BACH2: variants seen among roughly 807,000 people sequenced by gnomAD.
The protein encoded by BACH2 is BACH transcriptional regulator 2, also known as transcription regulator protein BACH2.
In BACH2, 5 loss-of-function variants were observed where a neutral mutation model predicts 61.8. The ratio of observed to expected loss-of-function variants is 0.08; its 90% CI spans 0.04 to 0.17. The LOEUF (loss-of-function observed/expected upper bound fraction) is 0.17, where lower values mean the gene tolerates loss of function less well. Ranked by LOEUF, BACH2 falls within the 10% of genes least tolerant of loss-of-function variation. The pLI, the probability that BACH2 is intolerant of heterozygous loss-of-function variation, is 1.00. For missense variants in BACH2, 824 were observed against 1,091.1 expected, an observed-to-expected ratio of 0.76 and a Z score of 3.45; for synonymous variants, 446 against 440.1, an observed-to-expected ratio of 1.01 and a Z score of -0.17.
chr6:90,171,934 A>T (rs556302226), intron 4 of BACH2, among the ~76,000 whole-genome samples: 2 of 152,324 alleles, frequency 1.3e-5, no homozygotes, highest in African/African-American at 2.4e-5. Flanking sequence ...CAGCTGAAGT[A>T]GGAATGAGTG....
chr6:90,078,953 T>C (rs1175760462), intron 5 of BACH2, among the ~76,000 whole-genome samples: 2 of 152,126 alleles, frequency 1.3e-5, no homozygotes, highest in Non-Finnish European at 2.9e-5. Context: ...CCCTCTTGAC[T>C]CATCCATTTT....
At chr6:90,006,247 T>C (rs756896312) in intron 6 of BACH2, among the ~76,000 whole-genome samples, 6 of 152,182 alleles carry the variant, frequency 3.9e-5, no homozygotes, top group Non-Finnish European at 7.4e-5. Context: ...GAGACTTACG[T>C]TTGTCAAATG....
At chr6:89,946,070 A>G (rs1352367590) in intron 7 of BACH2, among the ~76,000 whole-genome samples, 2 of 152,228 alleles carry the variant, frequency 1.3e-5, no homozygotes, top group Non-Finnish European at 2.9e-5. Context: ...GGTACAATAA[A>G]TAAAGAAGCA....
intron 3 of BACH2, among the ~76,000 whole-genome samples, chr6:90,215,435 A>T (rs542470293): frequency 1.0e-3 from 153 of 152,100 alleles, no homozygotes; most frequent in African/African-American, 3.6e-3. Context: ...GGTCTGAAAC[A>T]CTCTAAGGCC....
intron 4 of BACH2, among the ~76,000 whole-genome samples, chr6:90,186,739 G>C (rs1207845015): frequency 2.6e-5 from 4 of 152,166 alleles, no homozygotes; most frequent in Non-Finnish European, 5.9e-5. Context: ...TGAGTGTTAA[G>C]TGCTTCACTT....
intron 4 of BACH2, among the ~76,000 whole-genome samples, chr6:90,125,682 C>T (rs182798703): frequency 3.3e-5 from 5 of 152,312 alleles, no homozygotes; most frequent in Non-Finnish European, 7.3e-5. Flanking sequence ...GCAGACCATG[C>T]CCATTCCACC....
chr6:90,293,909 T>C (rs1403204326), intron 1 of BACH2, among the ~76,000 whole-genome samples: 2 of 152,196 alleles, frequency 1.3e-5, no homozygotes, highest in Non-Finnish European at 2.9e-5. Flanking sequence ...GGTGAGCTAC[T>C]GGAAAAGAAT....
chr6:90,262,137 G>C (rs1267891827), intron 2 of BACH2, among the ~76,000 whole-genome samples: 2 of 152,172 alleles, frequency 1.3e-5, no homozygotes, highest in Non-Finnish European at 2.9e-5. Flanking sequence ...TTCATAATCA[G>C]TTTTAGTCTG....
intron 6 of BACH2, among the ~76,000 whole-genome samples, chr6:89,979,785 A>G (rs1461979974): frequency 6.6e-6 from 1 of 152,248 alleles, no homozygotes; most frequent in Non-Finnish European, 1.5e-5. Flanking sequence ...TGTTTCTAGG[A>G]AAAAATACAT....
At chr6:90,185,228 C>T (rs1269496782) in intron 4 of BACH2, among the ~76,000 whole-genome samples, 1 of 152,158 alleles carries the variant, frequency 6.6e-6, no homozygotes, top group Admixed American at 6.5e-5. Context: ...ATAGCTCTGT[C>T]TCGGAAACAG....
chr6:90,224,155 A>G (rs575943884), intron 3 of BACH2, among the ~76,000 whole-genome samples: 1 of 152,374 alleles, frequency 6.6e-6, no homozygotes, highest in East Asian at 1.9e-4. Context: ...CTAATCTAAA[A>G]GCTTGGAGAA....
intron 6 of BACH2, among the ~76,000 whole-genome samples, chr6:89,988,326 C>T (rs80043293): frequency 0.013 from 2,003 of 152,218 alleles, 53 homozygotes; most frequent in African/African-American, 0.046. Context: ...TCTACTTAGG[C>T]CTATCAGGTG....
chr6:90,138,524 A>C (rs571992138), intron 4 of BACH2, among the ~76,000 whole-genome samples: 2 of 152,104 alleles, frequency 1.3e-5, no homozygotes, highest in African/African-American at 4.8e-5. Flanking sequence ...AATAAAATAA[A>C]CCAGCAGGGG....
intron 4 of BACH2, among the ~76,000 whole-genome samples, chr6:90,190,329 C>A (rs1460421833): frequency 6.6e-6 from 1 of 152,198 alleles, no homozygotes; most frequent in Admixed American, 6.5e-5. Context: ...TTTAAGCTAC[C>A]ATTACAGATA....
intron 3 of BACH2, among the ~76,000 whole-genome samples, chr6:90,213,990 C>A (rs1202124883): frequency 6.6e-6 from 1 of 152,142 alleles, no homozygotes; most frequent in Non-Finnish European, 1.5e-5. Context: ...AGAAGCATGG[C>A]ACACTTTTAG....
intron 3 of BACH2, among the ~76,000 whole-genome samples, chr6:90,209,047 C>T (rs1444725689): frequency 1.2e-5 from 1 of 84,330 alleles, no homozygotes; most frequent in African/African-American, 5.0e-5. Flanking sequence ...ACACCAGGGC[C>T]TGTCGGGGGG....
chr6:90,143,852 C>T (rs940629896), intron 4 of BACH2, among the ~76,000 whole-genome samples: 12 of 152,158 alleles, frequency 7.9e-5, no homozygotes, highest in African/African-American at 2.9e-4. Flanking sequence ...GTGAATGAAA[C>T]TCCTGCCCCG....
chr6:90,117,814 G>A (rs937139268), intron 4 of BACH2, among the ~76,000 whole-genome samples: 6 of 151,960 alleles, frequency 3.9e-5, no homozygotes, highest in African/African-American at 1.5e-4. Context: ...TTCTTGTTTA[G>A]CTTTTACTTA....
chr6:90,146,979 C>T (rs954704532), intron 4 of BACH2, among the ~76,000 whole-genome samples: 1 of 152,024 alleles, frequency 6.6e-6, no homozygotes, highest in Non-Finnish European at 1.5e-5. Flanking sequence ...TATCATAGCT[C>T]GATCCTACTC....
Sources: allele counts gnomAD v4.1 joint callset (sites outside exome capture counted in the v4.1 genomes callset), GRCh38; gene constraint gnomAD v4.1.1; transcripts MANE v1.5; gene names NCBI Gene and HGNC (gene_info 2026-07-23, HGNC 2026-07-21).